The following CHRM2 variants were observed in gnomAD, a reference collection of about 807,000 sequenced individuals.
CHRM2 encodes the protein muscarinic acetylcholine receptor M2.
In CHRM2, 8 loss-of-function variants were observed where a neutral mutation model predicts 25.0. That is an observed-to-expected ratio of 0.32 (90% CI 0.19 to 0.58). CHRM2 has a LOEUF of 0.58. Among genes scored for constraint, CHRM2 ranks in the 20% least tolerant of loss-of-function variants. The pLI is 0.88. For synonymous variants in CHRM2, 202 were observed against 205.7 expected, an observed-to-expected ratio of 0.98 and a Z score of 0.15; for missense variants, 440 against 567.1, an observed-to-expected ratio of 0.78 and a Z score of 2.28.
At chr7:136,889,443 T>C (rs1796606865) in intron 2 of CHRM2, among the ~76,000 whole-genome samples, 1 of 152,202 alleles carries the variant, frequency 6.6e-6, no homozygotes, top group Non-Finnish European at 1.5e-5. Context: ...ATTACTGATA[T>C]CCAAATGAGG....
intron 2 of CHRM2, among the ~76,000 whole-genome samples, chr7:136,949,800 C>T (rs1413831183): frequency 5.9e-5 from 9 of 151,284 alleles, no homozygotes; most frequent in Middle Eastern, 3.4e-3. Context: ...AGTGCAGTGG[C>T]GCGATCTCGG....
At chr7:136,891,928 C>T (rs1169541688) in intron 2 of CHRM2, among the ~76,000 whole-genome samples, 2 of 152,166 alleles carry the variant, frequency 1.3e-5, no homozygotes, top group Non-Finnish European at 1.5e-5. Context: ...GTCTGTTTCC[C>T]TCCTAGAATT....
intron 2 of CHRM2, among the ~76,000 whole-genome samples, chr7:136,935,718 A>C (rs1799374191): frequency 6.6e-6 from 1 of 152,138 alleles, no homozygotes; most frequent in Non-Finnish European, 1.5e-5. Context: ...ATTTAAAAGG[A>C]TCATTACTCC....
intron 2 of CHRM2, among the ~76,000 whole-genome samples, chr7:136,959,961 A>G (rs1261080024): frequency 6.6e-6 from 1 of 151,946 alleles, no homozygotes; most frequent in African/African-American, 2.4e-5. Context: ...GTAGGGGGCT[A>G]CTCTATCCCT....
chr7:136,894,899 G>A (rs1001082220), intron 2 of CHRM2, among the ~76,000 whole-genome samples: 1 of 152,132 alleles, frequency 6.6e-6, no homozygotes, highest in African/African-American at 2.4e-5. Context: ...TTAACAAACC[G>A]AGGCTATCAT....
At chr7:137,007,183 TG>T (rs1202370277) in intron 3 of CHRM2, among the ~76,000 whole-genome samples, 1 of 152,118 alleles carries the variant, frequency 6.6e-6, no homozygotes, top group African/African-American at 2.4e-5. Flanking sequence ...TGACCAGCCT[TG>T]CTCCATGGTT....
chr7:136,930,019 T>C (rs1266337113), intron 2 of CHRM2, among the ~76,000 whole-genome samples: 1 of 152,074 alleles, frequency 6.6e-6, no homozygotes, highest in African/African-American at 2.4e-5. Context: ...GTTTCATTAA[T>C]TGGCAGAGAT....
intron 2 of CHRM2, among the ~76,000 whole-genome samples, chr7:136,874,201 C>A (rs747027006): frequency 2.0e-5 from 3 of 152,208 alleles, no homozygotes; most frequent in Non-Finnish European, 4.4e-5. Context: ...ATTTCAATGG[C>A]CCCATTTACT....
intron 2 of CHRM2, among the ~76,000 whole-genome samples, chr7:136,921,187 T>G (rs1380124069): frequency 6.6e-6 from 1 of 152,066 alleles, no homozygotes; most frequent in Non-Finnish European, 1.5e-5. Context: ...TTCTCACCCC[T>G]GTCATTTACT....
At chr7:136,939,410 T>C (rs907004168) in intron 2 of CHRM2, among the ~76,000 whole-genome samples, 6 of 152,230 alleles carry the variant, frequency 3.9e-5, no homozygotes, top group African/African-American at 1.4e-4. Context: ...TTTGGGAAAT[T>C]AACCTCTTAA....
chr7:136,928,432 A>C (rs1055117214), intron 2 of CHRM2, among the ~76,000 whole-genome samples: 6 of 152,220 alleles, frequency 3.9e-5, no homozygotes, highest in South Asian at 4.1e-4. Flanking sequence ...TCTGAATGTT[A>C]AGAGTGGAGG....
chr7:136,924,723 C>G (rs1289124999), intron 2 of CHRM2, among the ~76,000 whole-genome samples: 1 of 152,130 alleles, frequency 6.6e-6, no homozygotes, highest in East Asian at 1.9e-4. Flanking sequence ...CACTGACACA[C>G]TGCTTAACAC....
chr7:136,875,768 C>T (rs938814625), intron 2 of CHRM2, among the ~76,000 whole-genome samples: 4 of 152,216 alleles, frequency 2.6e-5, no homozygotes, highest in Non-Finnish European at 5.9e-5. Context: ...ATCTTTCTCA[C>T]AGGCATTTCT....
chr7:136,871,668 A>G (rs1403614092), intron 2 of CHRM2: 1 of 152,338 alleles, frequency 6.6e-6, no homozygotes, highest in Non-Finnish European at 1.5e-5. Context: ...AAACAGGCAT[A>G]CCTGTGCCAT....
At chr7:136,942,846 T>C (rs544592769) in intron 2 of CHRM2, among the ~76,000 whole-genome samples, 39 of 152,170 alleles carry the variant, frequency 2.6e-4, no homozygotes, top group African/African-American at 7.0e-4. Flanking sequence ...TTTAATTTAG[T>C]TCTTTTCTTC....
chr7:136,888,687 C>T (rs191306954), intron 2 of CHRM2, among the ~76,000 whole-genome samples: 4 of 151,860 alleles, frequency 2.6e-5, no homozygotes, highest in Admixed American at 2.6e-4. Context: ...AGTGGGAAAC[C>T]CTAAGAAGAG....
At chr7:136,930,389 G>A (rs1415403913) in intron 2 of CHRM2, among the ~76,000 whole-genome samples, 2 of 151,972 alleles carry the variant, frequency 1.3e-5, no homozygotes, top group Non-Finnish European at 2.9e-5. Flanking sequence ...AACTTCATCT[G>A]GGATCTAGGA....
chr7:136,966,184 A>AC (rs1554426916), intron 2 of CHRM2, among the ~76,000 whole-genome samples: 1 of 149,184 alleles, frequency 6.7e-6, no homozygotes, highest in East Asian at 1.9e-4. Context: ...TCTTCTGCAA[A>AC]TTTTTTTTTT....
chr7:136,991,684 T>C (rs1235569056), intron 2 of CHRM2, among the ~76,000 whole-genome samples: 1 of 152,142 alleles, frequency 6.6e-6, no homozygotes, highest in Non-Finnish European at 1.5e-5. Context: ...ATTGACAATC[T>C]TCTCTTGATT....
Sources: allele counts gnomAD v4.1 joint callset (sites outside exome capture counted in the v4.1 genomes callset), GRCh38; gene constraint gnomAD v4.1.1; transcripts MANE v1.5; gene names NCBI Gene and HGNC (gene_info 2026-07-23, HGNC 2026-07-21).